The following CNBD1 variants were observed in gnomAD, a reference collection of about 807,000 sequenced individuals.
CNBD1 encodes cyclic nucleotide-binding domain-containing protein 1.
CNBD1 carries 71 observed loss-of-function variants against 54.4 expected under a neutral mutation model. The observed-to-expected ratio is 1.30, with a 90% CI of 1.08 to 1.59. The LOEUF is 1.59. CNBD1 is among the 40% of genes most tolerant of loss of function. The pLI, the probability that CNBD1 is intolerant of heterozygous loss-of-function variation, is 0.00. For missense variants in CNBD1, 659 were observed against 518.0 expected, an observed-to-expected ratio of 1.27 and a Z score of -2.64; for synonymous variants, 182 against 170.7, an observed-to-expected ratio of 1.07 and a Z score of -0.51.
intron 8 of CNBD1, among the ~76,000 whole-genome samples, chr8:87,307,689 G>T (rs1053938455): frequency 1.3e-5 from 2 of 150,728 alleles, no homozygotes; most frequent in Non-Finnish European, 2.9e-5. Flanking sequence ...AGTGAGCCAA[G>T]ATTGTGCCAT....
chr8:86,882,559 A>AC (rs1808621153), intron 1 of CNBD1, among the ~76,000 whole-genome samples: 1 of 152,150 alleles, frequency 6.6e-6, no homozygotes, highest in South Asian at 2.1e-4. Flanking sequence ...GAACACTTAC[A>AC]CCCTGTTGGT....
chr8:87,247,108 A>G (rs572490447), intron 6 of CNBD1, among the ~76,000 whole-genome samples: 2 of 152,260 alleles, frequency 1.3e-5, no homozygotes, highest in African/African-American at 4.8e-5. Context: ...CTTTTGTGGC[A>G]ATCTCAGGAT....
chr8:87,079,188 T>C (rs1266908375), intron 4 of CNBD1, among the ~76,000 whole-genome samples: 4 of 152,144 alleles, frequency 2.6e-5, no homozygotes, highest in African/African-American at 7.2e-5. Flanking sequence ...TGTGGTAATC[T>C]GTTACTTTTT....
chr8:87,312,004 G>A (rs1049150462), intron 8 of CNBD1, among the ~76,000 whole-genome samples: 5 of 151,934 alleles, frequency 3.3e-5, no homozygotes, highest in African/African-American at 1.2e-4. Context: ...AGTATGCTTA[G>A]TACCTAGCTG....
intron 6 of CNBD1, among the ~76,000 whole-genome samples, chr8:87,263,577 A>T (rs934920783): frequency 6.6e-6 from 1 of 152,188 alleles, no homozygotes; most frequent in Non-Finnish European, 1.5e-5. Flanking sequence ...CATTATATTC[A>T]CATAGAATAG....
intron 8 of CNBD1, among the ~76,000 whole-genome samples, chr8:87,345,276 A>G (rs192678184): frequency 1.4e-4 from 21 of 152,328 alleles, no homozygotes; most frequent in African/African-American, 5.0e-4. Flanking sequence ...GAAGGGTTAT[A>G]TTAGTGAATC....
intron 6 of CNBD1, among the ~76,000 whole-genome samples, chr8:87,272,568 T>C (rs1808390319): frequency 6.6e-6 from 1 of 151,968 alleles, no homozygotes; most frequent in Non-Finnish European, 1.5e-5. Context: ...GCAATGTTTC[T>C]AGTTTATGAC....
chr8:87,327,023 G>A (rs1411293720), intron 8 of CNBD1, among the ~76,000 whole-genome samples: 2 of 149,752 alleles, frequency 1.3e-5, no homozygotes, highest in Non-Finnish European at 3.0e-5. Flanking sequence ...CCTTCTAACA[G>A]ACAGCACCCT....
intron 4 of CNBD1, among the ~76,000 whole-genome samples, chr8:87,192,753 G>A (rs1227031742): frequency 6.6e-6 from 1 of 152,140 alleles, no homozygotes; most frequent in African/African-American, 2.4e-5. Flanking sequence ...TATGTGTAGA[G>A]TAAGAAGAAG....
chr8:87,290,183 C>G (rs961860006), intron 8 of CNBD1, among the ~76,000 whole-genome samples: 7 of 151,748 alleles, frequency 4.6e-5, no homozygotes, highest in Non-Finnish European at 1.0e-4. Flanking sequence ...CATATTGCAT[C>G]TACATATGTT....
chr8:87,220,688 C>T (rs549649666), intron 5 of CNBD1, among the ~76,000 whole-genome samples: 4 of 152,052 alleles, frequency 2.6e-5, no homozygotes, highest in African/African-American at 9.6e-5. Flanking sequence ...TTTTGTCATA[C>T]AGATATGTTA....
chr8:87,388,515 T>G (rs1811238638), intron 2 of CNBD1, among the ~76,000 whole-genome samples: 1 of 152,128 alleles, frequency 6.6e-6, no homozygotes, highest in African/African-American at 2.4e-5. Flanking sequence ...AATGGATAAA[T>G]TCCTCGACAC....
chr8:87,374,110 A>G (rs1401347923), intron 10 of CNBD1, among the ~76,000 whole-genome samples: 1 of 151,786 alleles, frequency 6.6e-6, no homozygotes, highest in East Asian at 1.9e-4. Context: ...TTCATCATAA[A>G]AAAAGAAAAT....
chr8:86,883,430 A>G (rs1808633055), intron 1 of CNBD1, among the ~76,000 whole-genome samples: 1 of 152,208 alleles, frequency 6.6e-6, no homozygotes, highest in Non-Finnish European at 1.5e-5. Flanking sequence ...TGATCATTGA[A>G]GACATGAATG....
intron 6 of CNBD1, among the ~76,000 whole-genome samples, chr8:87,251,669 A>G (rs1476557653): frequency 2.0e-5 from 3 of 151,920 alleles, no homozygotes; most frequent in African/African-American, 7.3e-5. Context: ...ATTCCTTCCA[A>G]ATGCTATGGT....
chr8:86,875,019 T>TATATATATATATATA (rs576186127), intron 1 of CNBD1, among the ~76,000 whole-genome samples: 1 of 128,500 alleles, frequency 7.8e-6, no homozygotes, highest in African/African-American at 2.8e-5. Context: ...TATATATATA[T>TATATATATATATATA]ATGTATTAAA....
chr8:87,397,137 C>G (rs1053244966), intron 2 of CNBD1, among the ~76,000 whole-genome samples: 1 of 151,716 alleles, frequency 6.6e-6, no homozygotes, highest in African/African-American at 2.4e-5. Context: ...TAGAGCCACT[C>G]TTGCCTTATT....
At chr8:87,196,720 C>A (rs1161674312) in intron 4 of CNBD1, among the ~76,000 whole-genome samples, 1 of 152,116 alleles carries the variant, frequency 6.6e-6, no homozygotes, top group Admixed American at 6.6e-5. Context: ...AAGCCAGATA[C>A]CACTTGGTAT....
chr8:87,373,754 G>C (rs886976109), intron 10 of CNBD1, among the ~76,000 whole-genome samples: 2 of 151,664 alleles, frequency 1.3e-5, no homozygotes, highest in African/African-American at 4.8e-5. Flanking sequence ...ACAACCAAAT[G>C]TTATATGAAG....
Sources: allele counts gnomAD v4.1 joint callset (sites outside exome capture counted in the v4.1 genomes callset), GRCh38; gene constraint gnomAD v4.1.1; transcripts MANE v1.5; gene names NCBI Gene and HGNC (gene_info 2026-07-23, HGNC 2026-07-21).